AKR7A3: variants seen among roughly 807,000 people sequenced by gnomAD.
The protein encoded by AKR7A3 is aldo-keto reductase family 7 member A3.
A neutral mutation model predicts 32.5 loss-of-function variants in AKR7A3; 37 were observed. The observed-to-expected ratio is 1.14, with a 90% CI of 0.88 to 1.50. AKR7A3 has a LOEUF of 1.50. Among genes scored for constraint, AKR7A3 ranks in the 40% most tolerant of loss-of-function variants. The probability of loss-of-function intolerance (pLI) is 0.00; values close to 1 mark genes in which losing one functional copy is unlikely to be tolerated. For missense variants in AKR7A3, 412 were observed against 453.2 expected (o/e 0.91, Z 0.83); for synonymous variants, 177 against 188.4 (o/e 0.94, Z 0.50).
At position 19,284,772 on chromosome 1, in the gene AKR7A3, G is replaced by C; in HGVS notation, c.618C>G (p.Thr206=). The C allele has an allele frequency of 6.2e-7, 1 of 1,613,890 alleles. No homozygotes were observed. Among genetic ancestry groups the C allele is most frequent in the Non-Finnish European group, 8.5e-7 (1 of 1,180,002 alleles). The part of the protein sequence containing the change: ...AFNPLAGGLL[T]GKYKYEDKNG... The stretch of plus-strand genomic sequence containing the variant: ...TCTTGTCCTCATACTTGTACTTGCC[G>C]GTCAGCAGGCCCCCTGAGGGAAAGC... Residue 206 remains threonine (T), a synonymous_variant, in exon 5 of 7, where the codon ACC becomes ACG. Coordinates refer to ENST00000361640, the MANE Select transcript of AKR7A3 (RefSeq NM_012067.3).
chr1:19,279,169 C>T (rs941363036), downstream of AKR7A3, among the ~76,000 whole-genome samples: 2 of 151,902 alleles, frequency 1.3e-5, no homozygotes, highest in Admixed American at 1.3e-4. Flanking sequence ...ACTTCTATGT[C>T]CAGACTGGTC....
rs748252452 is a variant in AKR7A3, at chr1:19,283,977, G to C, written c.834+19C>G. 6.2e-7 allele frequency: 1 copy of C among 1,612,552 alleles called. No individual in the cohort carries two copies. The highest frequency in any genetic ancestry group is 1.3e-5 in the African/African-American group (1 of 74,730). On this transcript the variant is annotated intron_variant, in intron 6 of 6. Transcript: ENST00000361640. ...TCCCCTGGAAGGGAAGAAGCTGAGC[G>C]CACAGGGTCACTGGTTACCTGCAGC...
At chr1:19,283,080 C>T (rs1357390010) in intron 6 of AKR7A3, among the ~76,000 whole-genome samples, 188 bp from the exon 7 acceptor site, 1 of 147,964 alleles carries the variant, frequency 6.8e-6, no homozygotes, top group African/African-American at 2.5e-5. Context: ...TACTGCCACA[C>T]GACGCTTCCA....
intron 1 of AKR7A3, 84 bp downstream of exon 1, chr1:19,288,412 G>A: frequency 6.7e-7 from 1 of 1,495,606 alleles, no homozygotes; most frequent in Non-Finnish European, 9.0e-7. Flanking sequence ...TGCTGCCCCG[G>A]GGCCAGGGAG....
chr1:19,278,205 A>G (rs530453861), downstream of AKR7A3, among the ~76,000 whole-genome samples: 4 of 151,960 alleles, frequency 2.6e-5, no homozygotes, highest in East Asian at 5.8e-4. Context: ...TGGGCCTCCC[A>G]AAGTTCTGGC....
Position 19,285,092 on chromosome 1 carries a change from C to G in AKR7A3, c.530G>C (p.Arg177Pro). 1 of 1,613,408 alleles carries G rather than the reference C, an allele frequency of 6.2e-7. No individual in the cohort carries two copies. The highest frequency in any genetic ancestry group is 8.5e-7 in the Non-Finnish European group (1 of 1,179,828). ...GGGGAAGAGCTCCGTTTCCACCTGC[C>G]GGGTGATGGCATTGTACATGCCCTG... ...VYQGMYNAIT[R>P]QVETELFPCL... Residue 177 changes from arginine to proline, a missense_variant, in exon 4 of 7, where the codon CGG (arginine) becomes CCG (proline). Coordinates refer to ENST00000361640, the MANE Select transcript of AKR7A3 (RefSeq NM_012067.3).
chr1:19,282,122 G>T (rs185155594), downstream of AKR7A3, among the ~76,000 whole-genome samples: 2 of 151,548 alleles, frequency 1.3e-5, no homozygotes, highest in South Asian at 2.1e-4. Flanking sequence ...TGACATTTGC[G>T]GGGGGGTGGT....
chr1:19,283,073 T>G (rs1246746666), intron 6 of AKR7A3, among the ~76,000 whole-genome samples, 181 bp from the exon 7 acceptor site: 2 of 145,918 alleles, frequency 1.4e-5, no homozygotes, highest in Non-Finnish European at 3.0e-5. Flanking sequence ...CTTCCCCTAC[T>G]GCCACACGAC....
At chr1:19,281,830 A>G (rs565733941), downstream of AKR7A3, among the ~76,000 whole-genome samples, 334 of 151,924 alleles carry the variant, frequency 2.2e-3, 5 homozygotes, top group African/African-American at 6.6e-3. Context: ...GGAGCTTTAC[A>G]TTTTCACGCC....
intron 1 of AKR7A3, among the ~76,000 whole-genome samples, chr1:19,286,695 A>ACAAAC (rs2093731320): frequency 6.6e-6 from 1 of 151,554 alleles, no homozygotes; most frequent in South Asian, 2.1e-4. Flanking sequence ...AACAAACAAA[A>ACAAAC]CAAACAACAA....
chr1:19,276,409 T>G, the AKR7A3 span, among the ~76,000 whole-genome samples: 1 of 139,402 alleles, frequency 7.2e-6, no homozygotes, highest in East Asian at 2.1e-4. Context: ...CAAGTCCATA[T>G]AAACAACATG....
chr1:19,285,052 A>G lies in AKR7A3; in HGVS notation c.570T>C (p.Phe190=), dbSNP rs1406142388. Residue 190 remains phenylalanine (F), a synonymous_variant, in exon 4 of 7, where the codon TTT becomes TTC. Transcript: ENST00000361640. ...ETELFPCLRH[F]GLRFYAFNPL... is the part of the protein sequence containing the mutation. ...GGTTGAAGGCATAGAACCTCAGTCC[A>G]AAGTGCCTGAGGCAGGGGAAGAGCT... 1.1e-5 allele frequency: 18 copies of G among 1,613,300 alleles called. No individual in the cohort carries two copies. The East Asian group carries it at 3.8e-4, about 34-fold the overall frequency.
At chr1:19,285,145 TG>T in intron 3 of AKR7A3, 31 bp from the exon 4 acceptor site, 3 of 1,604,962 alleles carry the variant, frequency 1.9e-6, no homozygotes, top group Non-Finnish European at 2.6e-6. Flanking sequence ...GGGGAGAGGG[TG>T]GATGTGTCAA....
the AKR7A3 span, among the ~76,000 whole-genome samples, chr1:19,274,808 A>G: frequency 5.4e-5 from 8 of 148,846 alleles, no homozygotes; most frequent in Non-Finnish European, 8.9e-5. Context: ...AGAAGAAGAT[A>G]GAAAAATGGA....
chr1:19,274,911 A>AAAAAAAAAAAAAAAAAAAAAAC, the AKR7A3 span, among the ~76,000 whole-genome samples: 3 of 148,306 alleles, frequency 2.0e-5, no homozygotes, highest in East Asian at 1.9e-4. Flanking sequence ...AAAAAAAAAA[A>AAAAAAAAAAAAAAAAAAAAAAC]AAAAGACCAA....
At chr1:19,287,180 T>C (rs1006662607) in intron 1 of AKR7A3, among the ~76,000 whole-genome samples, 7 of 151,204 alleles carry the variant, frequency 4.6e-5, no homozygotes, top group Non-Finnish European at 5.9e-5. Flanking sequence ...GTGGTGCTAC[T>C]GTAGTAGTCC....
At chr1:19,280,348 A>T (rs79184148), downstream of AKR7A3, among the ~76,000 whole-genome samples, 4,268 of 151,216 alleles carry the variant, frequency 0.028, 78 homozygotes, top group South Asian at 0.053. Context: ...GGTTCAAGTG[A>T]TTCCGGTGCC....
At chr1:19,278,056 A>G (rs2093713659), downstream of AKR7A3, among the ~76,000 whole-genome samples, 1 of 151,824 alleles carries the variant, frequency 6.6e-6, no homozygotes, top group South Asian at 2.1e-4. Flanking sequence ...CCAAAGTCAT[A>G]CTTACTCCAG....
At chr1:19,276,305 G>A in the AKR7A3 span, among the ~76,000 whole-genome samples, 1 of 144,066 alleles carries the variant, frequency 6.9e-6, no homozygotes. Context: ...AGGTTGCAGT[G>A]AGCCGAGATT....
Sources: allele counts gnomAD v4.1 joint callset (sites outside exome capture counted in the v4.1 genomes callset), GRCh38; gene constraint gnomAD v4.1.1; transcripts MANE v1.5; gene names NCBI Gene and HGNC (gene_info 2026-07-23, HGNC 2026-07-21).